The following BTG4 variants were observed in gnomAD, a reference collection of about 807,000 sequenced individuals.
The protein encoded by BTG4 is BTG anti-proliferation factor 4, also known as protein BTG4.
BTG4 carries 10 observed loss-of-function variants against 19.3 expected under a neutral mutation model. The observed-to-expected ratio is 0.52, with a 90% CI of 0.32 to 0.88. The LOEUF is 0.88. BTG4 is among the 40% of genes least tolerant of loss of function. The pLI is 0.04. For synonymous variants in BTG4, 91 were observed against 95.7 expected (o/e 0.95, Z 0.29); for missense variants, 238 against 281.9 (o/e 0.84, Z 1.11).
chr11:111,404,652 CA>C, the BTG4 span: 1 of 456,214 alleles, frequency 2.2e-6, no homozygotes, highest in Non-Finnish European at 4.4e-6. Context: ...TAGGAAAATA[CA>C]AAAACACATC....
the BTG4 span, chr11:111,404,838 G>T: frequency 5.7e-6 from 2 of 350,308 alleles, no homozygotes; most frequent in South Asian, 4.4e-5. Context: ...ATCTCTCATG[G>T]TCTAATTGTC....
the BTG4 span, among the ~76,000 whole-genome samples, chr11:111,409,503 A>C: frequency 6.6e-6 from 1 of 152,166 alleles, no homozygotes; most frequent in Non-Finnish European, 1.5e-5. Context: ...CTGTCTTCCC[A>C]TGTGCCCACT....
chr11:111,429,319 C>A, the BTG4 span, among the ~76,000 whole-genome samples: 1 of 151,910 alleles, frequency 6.6e-6, no homozygotes. Flanking sequence ...AAGATGAACT[C>A]GGAACTGAGA....
chr11:111,463,055 G>A (rs990110044), downstream of BTG4: 5 of 152,716 alleles, frequency 3.3e-5, no homozygotes, highest in South Asian at 4.1e-4. Flanking sequence ...GTGGTTCAGC[G>A]TCCCTCTGAT....
chr11:111,489,868 G>A (rs542808046), downstream of BTG4, among the ~76,000 whole-genome samples: 2 of 152,208 alleles, frequency 1.3e-5, no homozygotes, highest in African/African-American at 4.8e-5. Flanking sequence ...GGAGGGGTTG[G>A]GTGAGTGGGG....
chr11:111,401,880 G>C, the BTG4 span, among the ~76,000 whole-genome samples: 1 of 152,188 alleles, frequency 6.6e-6, no homozygotes, highest in Non-Finnish European at 1.5e-5. Context: ...ATGAATGAAT[G>C]AATGGTATTA....
chr11:111,387,000 A>G, the BTG4 span, among the ~76,000 whole-genome samples: 1 of 152,248 alleles, frequency 6.6e-6, no homozygotes, highest in East Asian at 1.9e-4. Context: ...CCTTGGTCAC[A>G]TTGTTTAAAC....
At chr11:111,452,908 C>G in the BTG4 span, among the ~76,000 whole-genome samples, 1 of 152,080 alleles carries the variant, frequency 6.6e-6, no homozygotes, top group Non-Finnish European at 1.5e-5. Flanking sequence ...GGTCCCTGTA[C>G]TACCAGAGGG....
the BTG4 span, among the ~76,000 whole-genome samples, chr11:111,412,409 A>T: frequency 6.6e-6 from 1 of 152,204 alleles, no homozygotes; most frequent in Non-Finnish European, 1.5e-5. Flanking sequence ...AGCTTAAAAG[A>T]TGTCCCATAA....
downstream of BTG4, among the ~76,000 whole-genome samples, chr11:111,466,485 T>C (rs142570130): frequency 8.4e-4 from 128 of 152,338 alleles, no homozygotes; most frequent in African/African-American, 2.9e-3. Flanking sequence ...TGCCATCTTC[T>C]GTGGACCCTC....
the BTG4 span, among the ~76,000 whole-genome samples, chr11:111,387,186 G>A: frequency 6.6e-6 from 1 of 152,118 alleles, no homozygotes; most frequent in Non-Finnish European, 1.5e-5. Flanking sequence ...GCACACTAGT[G>A]AGCCCTTCAA....
At chr11:111,471,242 C>G (rs1864044431) in intron 5 of BTG4, among the ~76,000 whole-genome samples, 1 of 152,192 alleles carries the variant, frequency 6.6e-6, no homozygotes, top group Non-Finnish European at 1.5e-5. Flanking sequence ...AGTGGTGGAT[C>G]TGAGACTAGA....
chr11:111,464,139 G>T (rs899567280), downstream of BTG4, among the ~76,000 whole-genome samples: 20 of 152,190 alleles, frequency 1.3e-4, no homozygotes, highest in African/African-American at 4.6e-4. Context: ...TGGGATTACA[G>T]GTGTGCGCCA....
In BTG4 at chr11:111,498,570, G is replaced by T. The variant is rs567945306; in HGVS notation, c.173+34C>A. The T allele has an allele frequency of 1.1e-5, 18 of 1,569,486 alleles. No homozygotes were observed. The South Asian group carries it at 2.1e-4, about 19-fold the overall frequency. On this transcript the variant is annotated intron_variant, in intron 2 of 4. Coordinates refer to ENST00000692032, the MANE Select transcript of BTG4 (RefSeq NM_001367975.1). ...GGAGCTGGCTGGTTGCTTGGTGATT[G>T]CTTCCCTTTGCCATCCCACATACTA...
the BTG4 span, among the ~76,000 whole-genome samples, chr11:111,388,723 C>T: frequency 6.6e-6 from 1 of 152,228 alleles, no homozygotes; most frequent in African/African-American, 2.4e-5. Context: ...CTCACTTCTT[C>T]TCTGTGCAGC....
intron 1 of BTG4, among the ~76,000 whole-genome samples, chr11:111,511,764 C>A (rs1400220445): frequency 6.6e-6 from 1 of 152,184 alleles, no homozygotes; most frequent in Non-Finnish European, 1.5e-5. Context: ...CAGCCCTAAC[C>A]CTGAATATCC....
intron 1 of BTG4, among the ~76,000 whole-genome samples, chr11:111,499,848 A>T (rs1023571486): frequency 1.3e-5 from 2 of 152,180 alleles, no homozygotes; most frequent in African/African-American, 2.4e-5. Context: ...CTTGTTAAAA[A>T]TTCAGATTCT....
chr11:111,429,021 AACTT>A, the BTG4 span, among the ~76,000 whole-genome samples: 1 of 152,208 alleles, frequency 6.6e-6, no homozygotes, highest in South Asian at 2.1e-4. Context: ...CCATCCTCAC[AACTT>A]ACTTTTCTTA....
the BTG4 span, chr11:111,404,804 T>C: frequency 3.7e-5 from 14 of 377,068 alleles, no homozygotes; most frequent in Admixed American, 4.5e-4. Flanking sequence ...CTGAATGGTA[T>C]ACAATTAGCA....
Sources: allele counts gnomAD v4.1 joint callset (sites outside exome capture counted in the v4.1 genomes callset), GRCh38; gene constraint gnomAD v4.1.1; transcripts MANE v1.5; gene names NCBI Gene and HGNC (gene_info 2026-07-23, HGNC 2026-07-21).